The following PRKN variants were observed in gnomAD, a reference collection of about 807,000 sequenced individuals.
PRKN encodes parkin RBR E3 ubiquitin protein ligase, also known as E3 ubiquitin-protein ligase parkin.
Under a neutral mutation model 59.5 loss-of-function variants are expected in PRKN, and 56 were observed. The ratio of observed to expected loss-of-function variants is 0.94; its 90% confidence interval spans 0.76 to 1.18. PRKN has a LOEUF of 1.18. Ranked by LOEUF, PRKN falls within the 50% of genes most tolerant of loss-of-function variation. PRKN has a pLI of 0.00. For missense variants in PRKN, 657 were observed against 596.4 expected (o/e 1.10, Z -1.06); for synonymous variants, 250 against 222.1 (o/e 1.13, Z -1.12).
chr6:162,340,969 G>A (rs1784151177), intron 2 of PRKN, among the ~76,000 whole-genome samples: 1 of 152,096 alleles, frequency 6.6e-6, no homozygotes, highest in African/African-American at 2.4e-5. Context: ...ACTATCCTCA[G>A]AGTCAACAGG....
chr6:162,565,700 AC>A (rs1194833459), intron 1 of PRKN, among the ~76,000 whole-genome samples: 847 of 67,030 alleles, frequency 0.013, 1 homozygote, highest in African/African-American at 0.043. Context: ...CAAAATAAAT[AC>A]ATACATACAT....
intron 4 of PRKN, among the ~76,000 whole-genome samples, chr6:162,157,560 T>C (rs1583121728): frequency 6.6e-6 from 1 of 152,162 alleles, no homozygotes; most frequent in East Asian, 1.9e-4. Context: ...AAAATGCTTC[T>C]GCACATAAAA....
chr6:162,366,774 A>G (rs1785461148), intron 2 of PRKN, among the ~76,000 whole-genome samples: 1 of 152,060 alleles, frequency 6.6e-6, no homozygotes, highest in South Asian at 2.1e-4. Flanking sequence ...GTGTGGTGGT[A>G]CATAATCCCA....
intron 1 of PRKN, among the ~76,000 whole-genome samples, chr6:162,677,072 A>G (rs561135655): frequency 5.9e-5 from 9 of 151,854 alleles, no homozygotes; most frequent in African/African-American, 1.9e-4. Context: ...TCAAAAAAAA[A>G]AAAAAAAAAA....
At chr6:161,630,059 C>G (rs1018925478) in intron 7 of PRKN, among the ~76,000 whole-genome samples, 1 of 152,150 alleles carries the variant, frequency 6.6e-6, no homozygotes, top group African/African-American at 2.4e-5. Context: ...TGCTTACACA[C>G]CCACGGTATC....
At chr6:162,434,935 TG>T (rs147439119) in intron 2 of PRKN, among the ~76,000 whole-genome samples, 6,523 of 152,284 alleles carry the variant, frequency 0.043, 431 homozygotes, top group African/African-American at 0.15. Flanking sequence ...GAATCATCTT[TG>T]GGTTCAGAGC....
intron 4 of PRKN, among the ~76,000 whole-genome samples, chr6:162,127,054 T>C (rs1420945114): frequency 6.6e-6 from 1 of 152,244 alleles, no homozygotes; most frequent in Non-Finnish European, 1.5e-5. Flanking sequence ...CTCCCAGTTC[T>C]TTTCCTTTTT....
intron 9 of PRKN, among the ~76,000 whole-genome samples, chr6:161,394,201 C>T (rs1206568639): frequency 6.6e-6 from 1 of 152,174 alleles, no homozygotes; most frequent in Admixed American, 6.5e-5. Flanking sequence ...TTCAAGTACA[C>T]AACATCTTAA....
chr6:162,339,241 G>C (rs1784018629), intron 2 of PRKN, among the ~76,000 whole-genome samples: 1 of 148,060 alleles, frequency 6.8e-6, no homozygotes, highest in Non-Finnish European at 1.5e-5. Flanking sequence ...GGAGGGAGGT[G>C]GTGGGGGTCA....
chr6:162,096,320 T>C (rs927530204), intron 4 of PRKN, among the ~76,000 whole-genome samples: 1 of 152,194 alleles, frequency 6.6e-6, no homozygotes, highest in Non-Finnish European at 1.5e-5. Flanking sequence ...TCCAATTTTG[T>C]GTAGTTTTAA....
intron 6 of PRKN, among the ~76,000 whole-genome samples, chr6:161,906,659 C>CATGTATATATATATATATAT (rs1778154692): frequency 8.6e-6 from 1 of 116,588 alleles, no homozygotes; most frequent in Non-Finnish European, 1.8e-5. Flanking sequence ...ATAGAACATA[C>CATGTATATATATATATATAT]ATATATATAT....
chr6:161,591,416 A>G (rs1027184594), intron 7 of PRKN, among the ~76,000 whole-genome samples: 1 of 152,250 alleles, frequency 6.6e-6, no homozygotes, highest in African/African-American at 2.4e-5. Flanking sequence ...AGCCAGCTAT[A>G]GCTACAGCAC....
intron 1 of PRKN, among the ~76,000 whole-genome samples, chr6:162,608,311 G>C (rs1362167970): frequency 6.6e-6 from 1 of 152,210 alleles, no homozygotes; most frequent in Non-Finnish European, 1.5e-5. Context: ...GTAAGCTGGA[G>C]TATGTTCACT....
chr6:161,858,858 C>CTTTCTTTTTTTTTT (rs1793765421), intron 6 of PRKN, among the ~76,000 whole-genome samples: 1 of 71,934 alleles, frequency 1.4e-5, no homozygotes, highest in African/African-American at 5.0e-5. Flanking sequence ...CACAGCTGTA[C>CTTTCTTTTTTTTTT]TTTTTTTTTT....
chr6:161,542,796 G>C (rs1340287708), intron 9 of PRKN, among the ~76,000 whole-genome samples: 1 of 152,074 alleles, frequency 6.6e-6, no homozygotes, highest in African/African-American at 2.4e-5. Context: ...TGGAGTGAAG[G>C]CTCATGAACC....
chr6:162,426,375 A>C (rs1789238810), intron 2 of PRKN, among the ~76,000 whole-genome samples: 2 of 152,234 alleles, frequency 1.3e-5, no homozygotes, highest in South Asian at 4.1e-4. Flanking sequence ...GAAGAAAATA[A>C]AATAAAACTG....
At chr6:161,764,869 G>A (rs533929228) in intron 7 of PRKN, among the ~76,000 whole-genome samples, 2 of 151,988 alleles carry the variant, frequency 1.3e-5, no homozygotes, top group Non-Finnish European at 2.9e-5. Flanking sequence ...ATATTTTATT[G>A]GCATCAGAAA....
chr6:162,355,211 G>T (rs951340147), intron 2 of PRKN, among the ~76,000 whole-genome samples: 1 of 151,074 alleles, frequency 6.6e-6, no homozygotes, highest in East Asian at 1.9e-4. Context: ...TTAATTATAG[G>T]TGTTTGAAAT....
chr6:162,133,297 T>C (rs1331428890), intron 4 of PRKN, among the ~76,000 whole-genome samples: 1 of 152,146 alleles, frequency 6.6e-6, no homozygotes, highest in Non-Finnish European at 1.5e-5. Flanking sequence ...AAGGTCTAGC[T>C]GGAGGTAGCG....
Sources: gnomAD v4.1 joint callset for allele counts (sites outside exome capture counted in the v4.1 genomes callset) on GRCh38, gnomAD v4.1.1 for gene constraint, MANE v1.5 for transcripts, NCBI Gene and HGNC (gene_info 2026-07-23, HGNC 2026-07-21) for gene names.